BCAS3: variants seen among roughly 807,000 people sequenced by gnomAD.
BCAS3 encodes the protein BCAS3 microtubule associated cell migration factor, also known as BCAS4/BCAS3 fusion.
BCAS3 carries 53 observed loss-of-function variants against 116.1 expected under a neutral mutation model. That is an observed-to-expected ratio of 0.46 (90% CI 0.37 to 0.57). BCAS3 has a LOEUF of 0.57. Among genes scored for constraint, BCAS3 ranks in the 20% least tolerant of loss-of-function variants. The pLI is 0.00. For synonymous variants in BCAS3, 391 were observed against 408.2 expected, an observed-to-expected ratio of 0.96 and a Z score of 0.51; for missense variants, 917 against 1,165.4, an observed-to-expected ratio of 0.79 and a Z score of 3.10.
At chr17:60,814,311 G>GCGCT (rs57528477) in intron 7 of BCAS3, among the ~76,000 whole-genome samples, 2 of 150,026 alleles carry the variant, frequency 1.3e-5, no homozygotes, top group Non-Finnish European at 3.0e-5. Flanking sequence ...GTGTGTGCGC[G>GCGCT]CGTGCCCATT....
chr17:60,726,343 GGC>G (rs1393073797), intron 5 of BCAS3, among the ~76,000 whole-genome samples: 2 of 148,328 alleles, frequency 1.3e-5, no homozygotes, highest in African/African-American at 2.5e-5. Flanking sequence ...TGGGATTACA[GGC>G]ATGCACCACC....
At chr17:60,860,949 C>T (rs1363478823) in intron 7 of BCAS3, among the ~76,000 whole-genome samples, 1 of 152,052 alleles carries the variant, frequency 6.6e-6, no homozygotes, top group African/African-American at 2.4e-5. Context: ...TTCTTTTCGC[C>T]TAGGATTGCT....
intron 22 of BCAS3, among the ~76,000 whole-genome samples, chr17:61,328,459 A>G (rs2055919152): frequency 6.6e-6 from 1 of 152,230 alleles, no homozygotes. Context: ...TCTGGAAGCC[A>G]AAGTCCAAGA....
intron 10 of BCAS3, among the ~76,000 whole-genome samples, chr17:60,898,022 G>A (rs1045715351): frequency 6.6e-6 from 1 of 151,946 alleles, no homozygotes; most frequent in Non-Finnish European, 1.5e-5. Context: ...TTACAGGCAT[G>A]AGCCACTGTA....
chr17:60,753,790 A>AT (rs1344015900), intron 6 of BCAS3, among the ~76,000 whole-genome samples: 1 of 151,970 alleles, frequency 6.6e-6, no homozygotes, highest in Non-Finnish European at 1.5e-5. Context: ...ATTTTCATAG[A>AT]TTTTGGACAA....
Position 61,380,941 on chromosome 17 carries a change from G to T in BCAS3, c.2594-11036G>T, listed in dbSNP as rs566435349. 1.6e-4 allele frequency among the ~76,000 whole-genome samples: 25 copies of T among 152,214 alleles called. No homozygotes were observed. The highest frequency in any genetic ancestry group is 3.1e-4 in the Non-Finnish European group (21 of 68,044). On this transcript the variant is annotated intron_variant, in intron 23 of 23. Coordinates refer to ENST00000407086, the MANE Select transcript of BCAS3 (RefSeq NM_017679.5). The surrounding 1 kb of genome is among the most constrained non-coding windows in gnomAD (Gnocchi z 4.2). ...TAATTTGATTTGTACCTATTCATTT[G>T]CAGTCCCTGCAGGAGCCTGGAGCTG...
At chr17:60,945,787 C>T (rs538220974) in intron 13 of BCAS3, among the ~76,000 whole-genome samples, 12 of 147,342 alleles carry the variant, frequency 8.1e-5, no homozygotes, top group Middle Eastern at 3.8e-3. Flanking sequence ...GGTGACAGAG[C>T]GAGACTGTCT....
chr17:60,699,264 G>C (rs182717582), intron 4 of BCAS3, among the ~76,000 whole-genome samples: 73 of 151,942 alleles, frequency 4.8e-4, no homozygotes, highest in African/African-American at 1.7e-3. Context: ...CCTTAGGCTG[G>C]AGTATAGTGA....
At chr17:61,096,990 C>T (rs1169076646) in intron 22 of BCAS3, among the ~76,000 whole-genome samples, 1 of 152,104 alleles carries the variant, frequency 6.6e-6, no homozygotes, top group African/African-American at 2.4e-5. Flanking sequence ...AAAAGAAATG[C>T]ATGAAGGGTT....
intron 7 of BCAS3, among the ~76,000 whole-genome samples, chr17:60,853,684 A>G (rs1410224798): frequency 6.6e-6 from 1 of 152,232 alleles, no homozygotes; most frequent in Non-Finnish European, 1.5e-5. Flanking sequence ...CCATGAGGCC[A>G]TAAGTGGTCA....
rs187558338 is a variant in BCAS3 at position 60,681,510 on chromosome 17, A to G, written c.83+1970A>G. ...AGCAAGACTTCATTTCCAAAAAATAAGAAAAATAAATAGATATATTTTATA... is the reference window on the plus strand; with the variant it reads ...AGCAAGACTTCATTTCCAAAAAATAGGAAAAATAAATAGATATATTTTATA... On this transcript the variant is annotated intron_variant, in intron 2 of 23. Coordinates refer to ENST00000407086, the MANE Select transcript of BCAS3 (RefSeq NM_017679.5). 1.4e-3 allele frequency among the ~76,000 whole-genome samples: 205 copies of G among 151,656 alleles called. 1 individual carries two copies. Among genetic ancestry groups the G allele is most frequent in the African/African-American group, 4.7e-3 (193 of 41,476 alleles).
chr17:61,046,057 TTA>T (rs1491372530), intron 19 of BCAS3, among the ~76,000 whole-genome samples: 538 of 19,090 alleles, frequency 0.028, 17 homozygotes, highest in East Asian at 0.037. Context: ...AATATATATA[TTA>T]TATATATATA....
chr17:61,128,628 T>G lies in BCAS3; in HGVS notation c.2425+44064T>G. 1 of 977,082 alleles carries G rather than the reference T, an allele frequency of 1.0e-6. No homozygotes were observed. 60.5% of individuals were successfully genotyped at this position (977,082 alleles called of 1,614,324 possible). On this transcript the variant is annotated intron_variant, in intron 22 of 23. Transcript: ENST00000407086. The surrounding 1 kb of genome is among the most constrained non-coding windows in gnomAD (Gnocchi z 4.1). ...GAGAAAGCAAGTAACCCAGCAGAGT[T>G]TGTGACAGAAACTGTTAGCCCTCTT...
rs2071645096 is a variant in BCAS3, at chr17:61,073,588, C to T, written c.2030-1332C>T. Among the ~76,000 whole-genome samples, 1 of 152,014 alleles carries T rather than the reference C, an allele frequency of 6.6e-6. No homozygotes were observed. The highest frequency in any genetic ancestry group is 2.4e-5 in the African/African-American group (1 of 41,374). ...ATTAAGAAATTTATATATTTACATC[C>T]TCTGATTTCATATGTAGGAATCTAA... On this transcript the variant is annotated intron_variant, in intron 19 of 23. Coordinates refer to ENST00000407086, the MANE Select transcript of BCAS3 (RefSeq NM_017679.5). The surrounding 1 kb of genome is among the most constrained non-coding windows in gnomAD (Gnocchi z 4.6).
intron 6 of BCAS3, among the ~76,000 whole-genome samples, chr17:60,770,977 A>G (rs896698059): frequency 6.7e-6 from 1 of 149,616 alleles, no homozygotes; most frequent in Non-Finnish European, 1.5e-5. Context: ...CACCACGCCT[A>G]CCTAATTTTT....
intron 22 of BCAS3, among the ~76,000 whole-genome samples, chr17:61,148,566 T>A (rs932441654): frequency 3.3e-5 from 5 of 152,184 alleles, no homozygotes; most frequent in African/African-American, 1.2e-4. Context: ...GACAGGAAAT[T>A]CACATTTTTA....
At chr17:60,851,786 C>G in intron 7 of BCAS3, 1 of 1,174,018 alleles carries the variant, frequency 8.5e-7, no homozygotes. Flanking sequence ...TGTCTCCCTT[C>G]TTGTACAATC....
At chr17:60,971,710 G>A (rs549573360) in intron 14 of BCAS3, among the ~76,000 whole-genome samples, 15 of 152,296 alleles carry the variant, frequency 9.8e-5, no homozygotes, top group Admixed American at 2.0e-4. Context: ...TAAAGTGGCT[G>A]TAATACCCAA....
intron 6 of BCAS3, among the ~76,000 whole-genome samples, chr17:60,805,307 A>C (rs1162408312): frequency 1.3e-5 from 2 of 152,112 alleles, no homozygotes; most frequent in East Asian, 3.9e-4. Flanking sequence ...CCTAGATATC[A>C]TATCAGTTTA....
Sources: allele counts gnomAD v4.1 joint callset (sites outside exome capture counted in the v4.1 genomes callset), GRCh38; gene constraint gnomAD v4.1.1; non-coding constraint Gnocchi (gnomAD v3.1); transcripts MANE v1.5; gene names NCBI Gene and HGNC (gene_info 2026-07-23, HGNC 2026-07-21).